EYA3: variants seen among roughly 807,000 people sequenced by gnomAD.
The protein encoded by EYA3 is EYA transcriptional coactivator and phosphatase 3, also known as protein phosphatase EYA3.
EYA3 carries 39 observed loss-of-function variants against 80.0 expected under a neutral mutation model. That is an observed-to-expected ratio of 0.49 (90% CI 0.38 to 0.64). The LOEUF is 0.64. EYA3 is among the 30% of genes least tolerant of loss of function. The pLI is 0.00. For missense variants in EYA3, 523 were observed against 676.1 expected (o/e 0.77, Z 2.51); for synonymous variants, 206 against 232.8 (o/e 0.88, Z 1.05).
At position 28,004,330 on chromosome 1, in the gene EYA3, A is replaced by G. The variant is rs373703244; in HGVS notation, c.993+6T>C. ...GGACAGTTACAACAAAGAAGACTCA[A>G]ATTACCTTTCCATATTTCTGGGCAT... On this transcript the variant is annotated splice_donor_region_variant and intron_variant, in intron 11 of 17. Transcript: ENST00000373871. 5 of 1,594,118 alleles carry G rather than the reference A, an allele frequency of 3.1e-6. No individual in the cohort carries two copies. The highest frequency in any genetic ancestry group is 1.1e-5 in the South Asian group (1 of 89,406).
intron 1 of EYA3, among the ~76,000 whole-genome samples, chr1:28,087,698 C>T (rs1197050422): frequency 3.3e-5 from 5 of 152,232 alleles, no homozygotes; most frequent in Non-Finnish European, 7.3e-5. Context: ...CAGCTGTGCA[C>T]ATCCATTCTC....
rs1253419757 is a variant in EYA3, at chr1:28,050,189, TATTA to T, written c.34-1767_34-1764del. 5.7e-4 allele frequency among the ~76,000 whole-genome samples: 80 copies of T among 141,476 alleles called. 1 individual carries two copies. The highest frequency in any genetic ancestry group is 6.4e-4 in the Non-Finnish European group (42 of 65,270). 92.8% of individuals were successfully genotyped at this position (141,476 alleles called of 152,430 possible). On this transcript the variant is annotated intron_variant, in intron 2 of 17. Transcript: ENST00000373871. ...TTTACTTTTTATTTATTATTATTAT[TATTA>T]TTATTATTATTTTTTTTGAGACAGG...
chr1:27,984,149 G>A (rs1639493978), intron 16 of EYA3, among the ~76,000 whole-genome samples: 1 of 152,048 alleles, frequency 6.6e-6, no homozygotes, highest in Non-Finnish European at 1.5e-5. Context: ...TGATCCTCCC[G>A]CCTTAGCCTC....
At chr1:28,028,060 T>A in intron 6 of EYA3, 134 bp from the exon 7 acceptor site, 1 of 944,214 alleles carries the variant, frequency 1.1e-6, no homozygotes, top group Non-Finnish European at 1.6e-6. Context: ...AAGAGAAAAT[T>A]ATTGAATCTC....
At chr1:28,070,926 T>C (rs1049869814) in intron 1 of EYA3, among the ~76,000 whole-genome samples, 1 of 152,104 alleles carries the variant, frequency 6.6e-6, no homozygotes, top group South Asian at 2.1e-4. Context: ...CACTATACTG[T>C]TTTTTGTTTG....
intron 3 of EYA3, 83 bp downstream of exon 3, chr1:28,048,300 C>T: frequency 1.2e-6 from 1 of 832,094 alleles, no homozygotes; most frequent in Non-Finnish European, 1.8e-6. Context: ...GAGGGCAAAG[C>T]ATGCCCATAC....
rs376566759 is a variant in EYA3, at chr1:28,002,526, A to G, written c.993+1810T>C. 2.6e-5 allele frequency among the ~76,000 whole-genome samples: 4 copies of G among 152,134 alleles called. No individual in the cohort carries two copies. In the East Asian group the frequency reaches 5.8e-4, roughly 22 times the overall value. On this transcript the variant is annotated intron_variant, in intron 11 of 17. Coordinates refer to ENST00000373871, the MANE Select transcript of EYA3 (RefSeq NM_001990.4). Reference sequence around the variant, plus strand: ...CTAAAAGCCTGTAGAAAATACTAACAGAGGCTGGGTATAGAAGCTCATGCC... The same window carrying G: ...CTAAAAGCCTGTAGAAAATACTAACGGAGGCTGGGTATAGAAGCTCATGCC...
intron 10 of EYA3, among the ~76,000 whole-genome samples, chr1:28,005,590 C>T (rs960526164): frequency 6.6e-6 from 1 of 151,728 alleles, no homozygotes; most frequent in Non-Finnish European, 1.5e-5. Context: ...TGGTGCATGC[C>T]GGTAGTCCCA....
At chr1:28,039,025 C>A in intron 4 of EYA3, 120 bp from the exon 5 acceptor site, 1 of 536,850 alleles carries the variant, frequency 1.9e-6, no homozygotes. Context: ...GCTTGGACAC[C>A]AGATAGAAAG....
At chr1:28,032,389 T>C (rs1643200677) in intron 6 of EYA3, among the ~76,000 whole-genome samples, 1 of 152,212 alleles carries the variant, frequency 6.6e-6, no homozygotes. Context: ...TTTCATATTA[T>C]AAATAATGCT....
chr1:27,993,426 T>C lies in EYA3; in HGVS notation c.1277A>G (p.Tyr426Cys). 6.2e-7 allele frequency: 1 copy of C among 1,613,666 alleles called. No homozygotes were observed. Among genetic ancestry groups the C allele is most frequent in the African/African-American group, 1.3e-5 (1 of 75,024 alleles). The change falls in exon 14 of 18, where the codon TAT (tyrosine) becomes TGT (cysteine). Residue 426 changes from tyrosine to cysteine, a missense_variant. Physicochemically the swap from Tyr to Cys is radical, Grantham distance 194. This residue lies in a region of EYA3 where 219 missense variants were observed against 332.8 expected (regional missense o/e 0.66). Coordinates refer to ENST00000373871, the MANE Select transcript of EYA3 (RefSeq NM_001990.4). ...ACCCACGTTGCTTTTATGCTTATCA[T>C]AGATTTCTCTCACTTTCCGGTAGCG... ...AFRYRKVREI[Y>C]DKHKSNVGGL...
intron 7 of EYA3, among the ~76,000 whole-genome samples, chr1:28,024,151 T>C (rs545774856): frequency 6.6e-6 from 1 of 151,428 alleles, no homozygotes; most frequent in East Asian, 2.0e-4. Context: ...AGGCAGAAGA[T>C]GCGCTTAAAC....
chr1:28,026,274 T>G (rs1642778836), intron 7 of EYA3, among the ~76,000 whole-genome samples: 1 of 152,186 alleles, frequency 6.6e-6, no homozygotes, highest in South Asian at 2.1e-4. Flanking sequence ...TAGAAGAGAC[T>G]TGGCAACTAG....
chr1:28,069,545 AT>A (rs1406146139), intron 1 of EYA3, among the ~76,000 whole-genome samples: 3 of 121,104 alleles, frequency 2.5e-5, no homozygotes, highest in Admixed American at 8.1e-5. Flanking sequence ...GACCCAATCT[AT>A]TTAAAAAAAA....
intron 13 of EYA3, among the ~76,000 whole-genome samples, chr1:27,996,967 C>T (rs1245707796): frequency 1.3e-5 from 2 of 152,190 alleles, no homozygotes; most frequent in Non-Finnish European, 2.9e-5. Context: ...AGTGATCCTC[C>T]TGCCTCGCGC....
At chr1:28,022,983 G>A (rs1642542245) in intron 7 of EYA3, among the ~76,000 whole-genome samples, 1 of 151,370 alleles carries the variant, frequency 6.6e-6, no homozygotes, top group Non-Finnish European at 1.5e-5. Context: ...AAGGAACCAG[G>A]ATTCCTTAAA....
Position 28,027,803 on chromosome 1 carries a change from G to A in EYA3, c.485C>T (p.Ser162Phe), listed in dbSNP as rs536399694. The change falls in exon 7 of 18, where the codon TCT becomes TTT. Residue 162 changes from serine (S) to phenylalanine (F), a missense_variant. By Grantham distance (155) the Ser-to-Phe change is radical. This residue lies in a region of EYA3 where 304 missense variants were observed against 343.3 expected (regional missense o/e 0.89). Transcript: ENST00000373871. Reference sequence around the variant, plus strand: ...TGCCTATTTACCTTGAATGGGATAAGAATAATGTGCTGGGCTTGGCTGGCT... The same window carrying A: ...TGCCTATTTACCTTGAATGGGATAAAAATAATGTGCTGGGCTTGGCTGGCT... The part of the protein sequence containing the change: ...TTSQPSPAHY[S>F]YPIQASSTNA... 6.2e-7 allele frequency: 1 copy of A among 1,614,178 alleles called. No homozygotes were observed. Among genetic ancestry groups the A allele is most frequent in the African/African-American group, 1.3e-5 (1 of 75,048 alleles).
At chr1:27,991,443 C>T (rs537509353) in intron 14 of EYA3, among the ~76,000 whole-genome samples, 2 of 152,172 alleles carry the variant, frequency 1.3e-5, no homozygotes, top group South Asian at 4.1e-4. Context: ...CAAAAGAGAG[C>T]TCATATGATG....
At chr1:28,022,640 ATT>A (rs1642519219) in intron 7 of EYA3, among the ~76,000 whole-genome samples, 1 of 152,282 alleles carries the variant, frequency 6.6e-6, no homozygotes, top group East Asian at 1.9e-4. Flanking sequence ...ACCTACATAT[ATT>A]TGTTTGCTCT....
Sources: allele counts gnomAD v4.1 joint callset (sites outside exome capture counted in the v4.1 genomes callset), GRCh38; gene constraint gnomAD v4.1.1; regional missense constraint gnomAD v4.1.1; transcripts MANE v1.5; gene names NCBI Gene and HGNC (gene_info 2026-07-23, HGNC 2026-07-21).